Variants in WDR1 observed in about 807,000 individuals in gnomAD.
The protein encoded by WDR1 is WD repeat domain 1, also known as WD repeat-containing protein 1.
In WDR1, 21 loss-of-function variants were observed where a neutral mutation model predicts 71.9. That is an observed-to-expected ratio of 0.29 (90% CI 0.21 to 0.42). The LOEUF (loss-of-function observed/expected upper bound fraction) is 0.42, where lower values mean the gene tolerates loss of function less well. Among genes scored for constraint, WDR1 ranks in the 10% least tolerant of loss-of-function variants. WDR1 has a pLI of 1.00. For missense variants in WDR1, 696 were observed against 824.5 expected (o/e 0.84, Z 1.91); for synonymous variants, 424 against 347.4 (o/e 1.22, Z -2.45).
At chr4:10,075,815 T>C (rs1764780066) in intron 14 of WDR1, 1 of 404,946 alleles carries the variant, frequency 2.5e-6, no homozygotes. Context: ...TCTTCTTATG[T>C]ATAAAAGCGA....
chr4:10,093,215 C>A (rs889917169), intron 5 of WDR1: 4 of 1,191,278 alleles, frequency 3.4e-6, no homozygotes, highest in Non-Finnish European at 1.1e-6. Flanking sequence ...CCCATTCCCC[C>A]CAGCCTCAGC....
chr4:10,087,502 ACCTG>A (rs1415899258), intron 8 of WDR1, among the ~76,000 whole-genome samples: 2 of 152,218 alleles, frequency 1.3e-5, no homozygotes. Flanking sequence ...GGAACTTGGC[ACCTG>A]GCCTGCCACC....
At chr4:10,088,184 T>C (rs931759094) in intron 7 of WDR1, 109 bp downstream of exon 7, 24 of 1,120,702 alleles carry the variant, frequency 2.1e-5, no homozygotes, top group Non-Finnish European at 2.9e-5. Flanking sequence ...CCCCGACTTA[T>C]AGCCCCTCAT....
chr4:10,089,692 C>T (rs1711837586), intron 5 of WDR1, among the ~76,000 whole-genome samples: 1 of 152,242 alleles, frequency 6.6e-6, no homozygotes, highest in African/African-American at 2.4e-5. Context: ...ACAGGAAGGG[C>T]TCGCTGCTCA....
At chr4:10,090,333 G>A (rs545596200) in intron 5 of WDR1, among the ~76,000 whole-genome samples, 2 of 152,308 alleles carry the variant, frequency 1.3e-5, no homozygotes, top group East Asian at 3.9e-4. Context: ...CATAGGCCCA[G>A]AAAGAGGAAT....
At chr4:10,107,524 G>T (rs1434456974) in intron 2 of WDR1, among the ~76,000 whole-genome samples, 1 of 152,120 alleles carries the variant, frequency 6.6e-6, no homozygotes, top group Non-Finnish European at 1.5e-5. Flanking sequence ...CCGCCCTGAC[G>T]TTGCCAGCCA....
rs746405070 is a variant in WDR1 at position 10,116,636 on chromosome 4, C to T, written c.16+15G>A. ...GCGCGGCGGCCGCTCGGGGGCCCCGCGCCGCGGCACTTACTGATCTCGTAC... is the reference window on the plus strand; with the variant it reads ...GCGCGGCGGCCGCTCGGGGGCCCCGTGCCGCGGCACTTACTGATCTCGTAC... On this transcript the variant is annotated intron_variant, in intron 1 of 14. Transcript: ENST00000499869. 1.0e-5 allele frequency: 13 copies of T among 1,252,146 alleles called. No individual in the cohort carries two copies. In the South Asian group the frequency reaches 3.4e-4, roughly 33 times the overall value. 77.6% of individuals were successfully genotyped at this position (1,252,146 alleles called of 1,614,324 possible).
intron 5 of WDR1, among the ~76,000 whole-genome samples, chr4:10,093,819 C>T (rs974316854): frequency 6.6e-6 from 1 of 152,260 alleles, no homozygotes; most frequent in Non-Finnish European, 1.5e-5. Flanking sequence ...CCCAGGCAGC[C>T]ACCATACATG....
intron 2 of WDR1, among the ~76,000 whole-genome samples, chr4:10,110,212 C>T (rs900807083): frequency 3.9e-5 from 6 of 152,264 alleles, no homozygotes; most frequent in African/African-American, 9.6e-5. Context: ...GCAGGCACAT[C>T]GCCAGGGCAG....
intron 4 of WDR1, 128 bp from the exon 5 acceptor site, chr4:10,098,019 G>A (rs1712457790): frequency 1.1e-6 from 1 of 950,152 alleles, no homozygotes. Flanking sequence ...AGGCAGCTCA[G>A]AACGCCACAG....
At chr4:10,090,957 G>T (rs1711938264) in intron 5 of WDR1, among the ~76,000 whole-genome samples, 1 of 152,272 alleles carries the variant, frequency 6.6e-6, no homozygotes, top group Non-Finnish European at 1.5e-5. Flanking sequence ...AGAGGACAGG[G>T]ATGGAAGCAC....
intron 12 of WDR1, 78 bp downstream of exon 12, chr4:10,078,813 T>C: frequency 8.0e-7 from 1 of 1,255,636 alleles, no homozygotes; most frequent in Admixed American, 2.0e-5. Flanking sequence ...ACAGCCCCGG[T>C]ACTCACACAG....
At chr4:10,090,919 G>A (rs764138528) in intron 5 of WDR1, among the ~76,000 whole-genome samples, 37 of 152,348 alleles carry the variant, frequency 2.4e-4, no homozygotes, top group Non-Finnish European at 4.6e-4. Context: ...TGAAGAGCTC[G>A]TCCTCTGTAG....
chr4:10,091,196 CCCTT>C (rs1351663283), intron 5 of WDR1, among the ~76,000 whole-genome samples: 2 of 152,246 alleles, frequency 1.3e-5, no homozygotes, highest in East Asian at 3.8e-4. Context: ...CTAGAGGTCA[CCCTT>C]CCTTGTGTTT....
chr4:10,091,103 C>T (rs753816733), intron 5 of WDR1, among the ~76,000 whole-genome samples: 6 of 152,244 alleles, frequency 3.9e-5, no homozygotes, highest in Non-Finnish European at 7.4e-5. Context: ...AACTACAAGG[C>T]GTGCAGTACC....
At chr4:10,083,705 T>C in intron 9 of WDR1, 1 of 458,794 alleles carries the variant, frequency 2.2e-6, no homozygotes, top group South Asian at 1.5e-5. Context: ...ATCAGCAACG[T>C]GTGTGGGCAT....
intron 2 of WDR1, among the ~76,000 whole-genome samples, chr4:10,110,405 T>G (rs1713279202): frequency 6.6e-6 from 1 of 152,132 alleles, no homozygotes; most frequent in Non-Finnish European, 1.5e-5. Context: ...ACCTCTTCTC[T>G]TACCTCAAAG....
At chr4:10,076,172 A>C (rs1024473301) in intron 14 of WDR1, 2 of 152,550 alleles carry the variant, frequency 1.3e-5, no homozygotes, top group Non-Finnish European at 2.9e-5. Context: ...AGCCCCACCT[A>C]GACAGGGTGA....
chr4:10,093,772 AG>A (rs1712158460), intron 5 of WDR1, among the ~76,000 whole-genome samples: 1 of 151,406 alleles, frequency 6.6e-6, no homozygotes, highest in Admixed American at 6.6e-5. Flanking sequence ...GCTGAAGACA[AG>A]GGAGGCGGTC....
Sources: allele counts gnomAD v4.1 joint callset (sites outside exome capture counted in the v4.1 genomes callset), GRCh38; gene constraint gnomAD v4.1.1; transcripts MANE v1.5; gene names NCBI Gene and HGNC (gene_info 2026-07-23, HGNC 2026-07-21).